The following SVOP variants were observed in gnomAD, a reference collection of about 807,000 sequenced individuals.
SVOP encodes the protein synaptic vesicle 2-related protein.
SVOP carries 17 observed loss-of-function variants against 69.1 expected under a neutral mutation model. The observed-to-expected ratio is 0.25, with a 90% CI of 0.17 to 0.37. The LOEUF (loss-of-function observed/expected upper bound fraction) is 0.37. Ranked by LOEUF, SVOP falls within the 10% of genes least tolerant of loss-of-function variation. SVOP has a pLI of 1.00. For missense variants in SVOP, 435 were observed against 597.5 expected, an observed-to-expected ratio of 0.73 and a Z score of 2.84; for synonymous variants, 238 against 238.6, an observed-to-expected ratio of 1.00 and a Z score of 0.02.
At chr12:108,974,038 C>G (rs926150981) in intron 4 of SVOP, among the ~76,000 whole-genome samples, 2 of 152,206 alleles carry the variant, frequency 1.3e-5, no homozygotes, top group South Asian at 2.1e-4. Flanking sequence ...AAGCTGTGTG[C>G]TCTTTGGCAC....
intron 6 of SVOP, among the ~76,000 whole-genome samples, chr12:108,950,245 CTT>C (rs36197540): frequency 1.7e-4 from 24 of 140,794 alleles, no homozygotes; most frequent in Admixed American, 2.1e-4. Flanking sequence ...CTTTTTCTTT[CTT>C]TTTTTTTTTT....
intron 6 of SVOP, among the ~76,000 whole-genome samples, chr12:108,953,854 G>A (rs2039970220): frequency 6.6e-6 from 1 of 152,098 alleles, no homozygotes; most frequent in African/African-American, 2.4e-5. Context: ...GCTGATGCCT[G>A]TAATCCCAGC....
At chr12:108,934,309 G>C (rs1304478001) in intron 10 of SVOP, 38 bp from the exon 11 acceptor site, 8 of 1,545,008 alleles carry the variant, frequency 5.2e-6, no homozygotes, top group Non-Finnish European at 7.0e-6. Flanking sequence ...GAAATGATCA[G>C]AGGAACACCA....
chr12:108,982,241 C>G (rs2040140289), intron 2 of SVOP, among the ~76,000 whole-genome samples: 2 of 151,078 alleles, frequency 1.3e-5, no homozygotes, highest in Admixed American at 1.3e-4. Flanking sequence ...TCATCACTAT[C>G]ACCATCATTA....
At chr12:108,937,191 T>G in intron 10 of SVOP, 73 bp downstream of exon 10, 1 of 1,481,484 alleles carries the variant, frequency 6.7e-7, no homozygotes, top group Non-Finnish European at 9.4e-7. Flanking sequence ...ATCTGTCCAT[T>G]GCATTAAAAC....
At chr12:108,947,247 T>C (rs924888373) in intron 6 of SVOP, among the ~76,000 whole-genome samples, 1 of 152,098 alleles carries the variant, frequency 6.6e-6, no homozygotes, top group Non-Finnish European at 1.5e-5. Flanking sequence ...AGATGGTATT[T>C]AGAAACCAAG....
chr12:109,015,855 A>G (rs889460081), intron 1 of SVOP, among the ~76,000 whole-genome samples: 1 of 152,150 alleles, frequency 6.6e-6, no homozygotes, highest in Non-Finnish European at 1.5e-5. Context: ...CTTGACTCCA[A>G]AGTTTCCGGC....
chr12:108,917,994 C>A, intron 14 of SVOP, 49 bp downstream of exon 14: 1 of 1,447,516 alleles, frequency 6.9e-7, no homozygotes, highest in African/African-American at 1.4e-5. Flanking sequence ...CCCACAGCCA[C>A]TCTCCCCCCA....
chr12:108,940,956 A>G, intron 7 of SVOP, 47 bp from the exon 8 acceptor site: 1 of 1,517,612 alleles, frequency 6.6e-7, no homozygotes. Flanking sequence ...CATGGTCCAT[A>G]CAGAGAGGAA....
At chr12:108,933,068 G>A (rs1371320020) in intron 11 of SVOP, among the ~76,000 whole-genome samples, 1 of 151,820 alleles carries the variant, frequency 6.6e-6, no homozygotes, top group Admixed American at 6.6e-5. Context: ...TAGTGTAGAC[G>A]GGGTTTTGTC....
In SVOP at chr12:108,972,506, C is replaced by T. The variant is rs534483912; in HGVS notation, c.382-30G>A. 1.4e-5 allele frequency: 22 copies of T among 1,534,918 alleles called. 1 individual carries two copies. The South Asian group carries it at 2.3e-4, about 16-fold the overall frequency. On this transcript the variant is annotated intron_variant, in intron 4 of 15. Transcript: ENST00000610966. ...GGGGGGAAAGACAGTTGTCATTAGA[C>T]AGAGGATGTGGATCATTGCACAGAA...
chr12:108,983,968 T>C (rs912693716), intron 1 of SVOP, among the ~76,000 whole-genome samples: 23 of 152,172 alleles, frequency 1.5e-4, no homozygotes, highest in Admixed American at 1.2e-3. Flanking sequence ...CCATATACAG[T>C]TGAGCAGATT....
chr12:109,006,678 C>T (rs1441106019), intron 1 of SVOP, among the ~76,000 whole-genome samples: 4 of 152,188 alleles, frequency 2.6e-5, no homozygotes, highest in Non-Finnish European at 5.9e-5. Context: ...TTGTCTCATG[C>T]CTGGTTCTGG....
intron 2 of SVOP, among the ~76,000 whole-genome samples, chr12:108,982,177 C>T (rs2040139750): frequency 6.6e-6 from 1 of 150,852 alleles, no homozygotes; most frequent in Non-Finnish European, 1.5e-5. Context: ...CATCTTCATC[C>T]TATCATTATC....
chr12:108,962,391 G>T (rs1212149739), intron 5 of SVOP, among the ~76,000 whole-genome samples: 1 of 152,136 alleles, frequency 6.6e-6, no homozygotes, highest in African/African-American at 2.4e-5. Context: ...GAGCCAACAC[G>T]CCTGGCTGAT....
chr12:108,975,495 C>T lies in SVOP; in HGVS notation c.381+1903G>A, dbSNP rs539248388. 5.9e-5 allele frequency among the ~76,000 whole-genome samples: 9 copies of T among 152,318 alleles called. No individual in the cohort carries two copies. In the East Asian group the frequency reaches 1.7e-3, roughly 29 times the overall value. ...CTGTCTGGGCTTGTGCAAGTCAATGCCCCTCTCTAAGCCTCAGTTTCCTTA... is the reference window on the plus strand; with the variant it reads ...CTGTCTGGGCTTGTGCAAGTCAATGTCCCTCTCTAAGCCTCAGTTTCCTTA... On this transcript the variant is annotated intron_variant, in intron 4 of 15. Transcript: ENST00000610966.
Position 108,938,919 on chromosome 12 carries a change from C to G in SVOP, c.805G>C (p.Gly269Arg). 6.2e-7 allele frequency: 1 copy of G among 1,614,006 alleles called. No individual in the cohort carries two copies. Among genetic ancestry groups the G allele is most frequent in the South Asian group, 1.1e-5 (1 of 91,084 alleles). ...GTGGCGATTGCCTTTTCCTGGTTCC[C>G]TGACAGCACATCATACCTTGCACTT... ...PESARYDVLS[G>R]NQEKAIATLK... The change falls in exon 9 of 16, where the codon GGG (glycine) becomes CGG (arginine). Residue 269 changes from glycine to arginine, a missense_variant. Coordinates refer to ENST00000610966, the MANE Select transcript of SVOP (RefSeq NM_018711.5).
At chr12:108,960,827 G>T in intron 6 of SVOP, 96 bp downstream of exon 6, 1 of 1,436,754 alleles carries the variant, frequency 7.0e-7, no homozygotes, top group Non-Finnish European at 9.2e-7. Flanking sequence ...CTGCACCCCT[G>T]CTGCCCCATC....
chr12:108,950,152 C>T (rs981028456), intron 6 of SVOP, among the ~76,000 whole-genome samples: 36 of 152,042 alleles, frequency 2.4e-4, no homozygotes, highest in Admixed American at 1.2e-3. Flanking sequence ...CAGCCTTGAG[C>T]TCCTGGGCTC....
Sources: gnomAD v4.1 joint callset for allele counts (sites outside exome capture counted in the v4.1 genomes callset) on GRCh38, gnomAD v4.1.1 for gene constraint, MANE v1.5 for transcripts, NCBI Gene and HGNC (gene_info 2026-07-23, HGNC 2026-07-21) for gene names.